Variants in IL26 observed in about 807,000 individuals in gnomAD.
IL26 encodes the protein interleukin-26.
IL26 carries 23 observed loss-of-function variants against 21.7 expected under a neutral mutation model. The observed-to-expected ratio is 1.06, with a 90% CI of 0.76 to 1.50. IL26 has a LOEUF of 1.50. Ranked by LOEUF, IL26 falls within the 40% of genes most tolerant of loss-of-function variation. IL26 has a pLI of 0.00. For synonymous variants in IL26, 63 were observed against 67.8 expected, an observed-to-expected ratio of 0.93 and a Z score of 0.34; for missense variants, 204 against 196.0, an observed-to-expected ratio of 1.04 and a Z score of -0.24.
chr12:68,219,270 C>G (rs1355603549), intron 3 of IL26, among the ~76,000 whole-genome samples: 2 of 151,790 alleles, frequency 1.3e-5, no homozygotes, highest in Non-Finnish European at 2.9e-5. Context: ...CAAAATAGAC[C>G]AAATTCTGGG....
At chr12:68,213,646 AT>A (rs374272473) in intron 3 of IL26, among the ~76,000 whole-genome samples, 83 of 152,010 alleles carry the variant, frequency 5.5e-4, no homozygotes, top group African/African-American at 1.8e-3. Context: ...AAGTTTTCCA[AT>A]TTGTTAACAT....
chr12:68,215,750 C>G (rs1868857598), intron 3 of IL26, among the ~76,000 whole-genome samples: 1 of 152,144 alleles, frequency 6.6e-6, no homozygotes, highest in Non-Finnish European at 1.5e-5. Context: ...GCATTGCAAT[C>G]TCAGCCTCCT....
chr12:68,217,217 T>A (rs11570930), intron 3 of IL26, among the ~76,000 whole-genome samples: 526 of 152,316 alleles, frequency 3.5e-3, no homozygotes, highest in Non-Finnish European at 5.8e-3. Context: ...CCAAATACAG[T>A]GGTACTGGGA....
intron 3 of IL26, among the ~76,000 whole-genome samples, chr12:68,214,884 G>T (rs1565738337): frequency 2.1e-5 from 3 of 144,368 alleles, no homozygotes; most frequent in South Asian, 2.2e-4. Context: ...CCTGTTTTAT[G>T]TTTTTTTTTT....
At chr12:68,223,423 A>G (rs889495595) in intron 3 of IL26, among the ~76,000 whole-genome samples, 1 of 152,162 alleles carries the variant, frequency 6.6e-6, no homozygotes, top group Admixed American at 6.5e-5. Context: ...GAAAAACCAG[A>G]GTTCCTAGAC....
At chr12:68,223,886 T>TTTTTTTTTTTTTTTTTTTTTG (rs1565740588) in intron 3 of IL26, among the ~76,000 whole-genome samples, 1 of 149,144 alleles carries the variant, frequency 6.7e-6, no homozygotes, top group African/African-American at 2.5e-5. Flanking sequence ...ATTTGGTGGT[T>TTTTTTTTTTTTTTTTTTTTTG]TTTTTTTTTT....
At chr12:68,212,667 A>T (rs2120447047) in intron 3 of IL26, among the ~76,000 whole-genome samples, 1 of 152,040 alleles carries the variant, frequency 6.6e-6, no homozygotes, top group East Asian at 1.9e-4. Flanking sequence ...TTTTGCAGCT[A>T]TTGTAAATGG....
chr12:68,209,588 G>C (rs1438637750), intron 3 of IL26, among the ~76,000 whole-genome samples: 1 of 152,124 alleles, frequency 6.6e-6, no homozygotes, highest in East Asian at 1.9e-4. Flanking sequence ...TTAGATTATG[G>C]TGCGTCAGGG....
intron 3 of IL26, among the ~76,000 whole-genome samples, chr12:68,213,650 G>A (rs748495758): frequency 2.0e-5 from 3 of 151,888 alleles, no homozygotes; most frequent in African/African-American, 2.4e-5. Context: ...TTTCCAATTT[G>A]TTAACATATA....
chr12:68,201,522 C>A lies in IL26; in HGVS notation c.*323G>T, dbSNP rs1868390024. ...GAAATCTGTCATTCCCCCTCCACCC[C>A]CCACATCCCACTCCACACACAAATA... On this transcript the variant is annotated 3_prime_UTR_variant, in exon 5 of 5. Coordinates refer to ENST00000229134, the MANE Select transcript of IL26 (RefSeq NM_018402.2). 4 of 214,942 alleles carry A rather than the reference C, an allele frequency of 1.9e-5. No homozygotes were observed. The South Asian group carries it at 4.3e-4, about 23-fold the overall frequency. The allele number at this position is 214,942 out of a possible 1,614,324, so 13.3% of individuals were successfully genotyped here. A position where few individuals can be genotyped will look rare whatever the true frequency, so the allele number is the denominator to read the frequency against.
intron 3 of IL26, among the ~76,000 whole-genome samples, chr12:68,204,751 C>T (rs544904309): frequency 1.3e-5 from 2 of 152,198 alleles, no homozygotes; most frequent in East Asian, 3.9e-4. Context: ...GGAATGCTTC[C>T]CGGTGCCTTG....
intron 3 of IL26, among the ~76,000 whole-genome samples, chr12:68,219,013 A>G (rs1377084492): frequency 6.6e-6 from 1 of 151,988 alleles, no homozygotes. Context: ...ACAATCATAA[A>G]CATTTCTGTA....
intron 3 of IL26, among the ~76,000 whole-genome samples, chr12:68,208,006 C>A (rs1300148759): frequency 6.6e-6 from 1 of 152,068 alleles, no homozygotes; most frequent in Non-Finnish European, 1.5e-5. Flanking sequence ...TATTGAAAAA[C>A]AAAACCACAT....
rs1328386709 is a variant in IL26, at chr12:68,206,042, C to T, written c.364-3959G>A. ...TCTTGATATCTTCAACCTGCTCCTGCCCCCACCATCTTTTTGCCATAGACA... is the reference window on the plus strand; with the variant it reads ...TCTTGATATCTTCAACCTGCTCCTGTCCCCACCATCTTTTTGCCATAGACA... On this transcript the variant is annotated intron_variant, in intron 3 of 4. Transcript: ENST00000229134. Among the ~76,000 whole-genome samples, 6 of 152,162 alleles carry T rather than the reference C, an allele frequency of 3.9e-5. No homozygotes were observed. In the East Asian group the frequency reaches 9.6e-4, roughly 24 times the overall value.
intron 3 of IL26, among the ~76,000 whole-genome samples, chr12:68,214,035 G>A (rs1032167205): frequency 1.3e-5 from 2 of 151,996 alleles, no homozygotes; most frequent in African/African-American, 2.4e-5. Context: ...GTATCCCATA[G>A]GTTTTGGTAT....
rs1026899279 is a variant in IL26, at chr12:68,201,480, C to T, written c.*365G>A. On this transcript the variant is annotated 3_prime_UTR_variant, in exon 5 of 5. Transcript: ENST00000229134. ...ATAACATCTATTTAAGTCTCAGTAA[C>T]ATTACATTGCATTCCAGAAATCTGT... The T allele has an allele frequency of 1.1e-5, 2 of 182,246 alleles. No homozygotes were observed. Among genetic ancestry groups the T allele is most frequent in the Non-Finnish European group, 2.3e-5 (2 of 86,924 alleles). The allele number at this position is 182,246 out of a possible 1,614,324, so 11.3% of individuals were successfully genotyped here.
At chr12:68,202,195 A>G (rs190300150) in intron 3 of IL26, 112 bp from the exon 4 acceptor site, 17 of 558,686 alleles carry the variant, frequency 3.0e-5, no homozygotes, top group Middle Eastern at 4.9e-4. Context: ...AGCACTAGAT[A>G]TGCACTGGCA....
Position 68,224,184 on chromosome 12 carries a change from G to C in IL26, c.363+965C>G, listed in dbSNP as rs567862282. On this transcript the variant is annotated intron_variant, in intron 3 of 4. Coordinates refer to ENST00000229134, the MANE Select transcript of IL26 (RefSeq NM_018402.2). ...CATCTGCAAGCTACAACTGCAGGAG[G>C]CTGGAGAAAGCATACTTGGACCCCA... Among the ~76,000 whole-genome samples, 4 of 152,236 alleles carry C rather than the reference G, an allele frequency of 2.6e-5. No homozygotes were observed. The South Asian group carries it at 8.3e-4, about 32-fold the overall frequency.
intron 3 of IL26, among the ~76,000 whole-genome samples, chr12:68,215,701 T>A (rs911805393): frequency 1.3e-5 from 2 of 152,112 alleles, no homozygotes; most frequent in Non-Finnish European, 2.9e-5. Flanking sequence ...AGAATCTCCC[T>A]CTGTTGCTGA....
Sources: allele counts gnomAD v4.1 joint callset (sites outside exome capture counted in the v4.1 genomes callset), GRCh38; gene constraint gnomAD v4.1.1; transcripts MANE v1.5; gene names NCBI Gene and HGNC (gene_info 2026-07-23, HGNC 2026-07-21).